Variants in CASR observed in about 807,000 individuals in gnomAD.
The protein encoded by CASR is calcium sensing receptor, also known as extracellular calcium-sensing receptor.
In CASR, 23 loss-of-function variants were observed where a neutral mutation model predicts 69.1. The observed-to-expected ratio is 0.33, with a 90% CI of 0.24 to 0.47. The LOEUF (loss-of-function observed/expected upper bound fraction) is 0.47, where lower values mean the gene tolerates loss of function less well. Ranked by LOEUF, CASR falls within the 20% of genes least tolerant of loss-of-function variation. CASR has a pLI of 1.00. For synonymous variants in CASR, 541 were observed against 544.7 expected, an observed-to-expected ratio of 0.99 and a Z score of 0.10; for missense variants, 924 against 1,356.1, an observed-to-expected ratio of 0.68 and a Z score of 5.00.
At position 122,262,525 on chromosome 3, in the gene CASR, C is replaced by T. The variant is rs34031874; in HGVS notation, c.1377+113C>T. On this transcript the variant is annotated intron_variant, in intron 4 of 6. Coordinates refer to ENST00000639785, the MANE Select transcript of CASR (RefSeq NM_000388.4). ...AAAGGGCAATATTTAAATGAAGCCA[C>T]TAAATGGAGCTTTGGATTCAAAGTA... is the stretch of plus-strand genomic sequence containing the variant. The T allele has an allele frequency of 1.1e-3, 999 of 894,156 alleles. 9 individuals are homozygous for T. In the African/African-American group the frequency reaches 0.014, roughly 13 times the overall value. The allele number at this position is 894,156 out of a possible 1,614,324, so 55.4% of individuals were successfully genotyped here. A position where few individuals can be genotyped will look rare whatever the true frequency, so the allele number is the denominator to read the frequency against.
chr3:122,213,773 A>G (rs1253139138), intron 1 of CASR, among the ~76,000 whole-genome samples: 3 of 152,220 alleles, frequency 2.0e-5, no homozygotes, highest in African/African-American at 7.2e-5. Flanking sequence ...AATTACTGAA[A>G]TCAACATCGT....
At chr3:122,254,732 C>T (rs940746113) in intron 2 of CASR, among the ~76,000 whole-genome samples, 1 of 152,080 alleles carries the variant, frequency 6.6e-6, no homozygotes, top group Admixed American at 6.5e-5. Flanking sequence ...TAGTAAAATC[C>T]CCCATTGACC....
intron 3 of CASR, 105 bp downstream of exon 3, chr3:122,257,492 G>T (rs2074568807): frequency 1.3e-6 from 1 of 790,590 alleles, no homozygotes; most frequent in East Asian, 2.5e-5. Flanking sequence ...CCCATCTCTG[G>T]CACAAAAGAC....
At chr3:122,245,414 A>G (rs2074417953) in intron 1 of CASR, 1 of 152,198 alleles carries the variant, frequency 6.6e-6, no homozygotes, top group Non-Finnish European at 1.5e-5. Flanking sequence ...CCAGAATTCC[A>G]TCAATGAGAT....
At chr3:122,186,743 C>T (rs138440013) in intron 1 of CASR, among the ~76,000 whole-genome samples, 4 of 152,254 alleles carry the variant, frequency 2.6e-5, no homozygotes, top group African/African-American at 9.6e-5. Context: ...AGGAGATCTC[C>T]CTTGAGCCAA....
intron 1 of CASR, among the ~76,000 whole-genome samples, chr3:122,206,519 T>C (rs2074008358): frequency 6.6e-6 from 1 of 152,044 alleles, no homozygotes; most frequent in Non-Finnish European, 1.5e-5. Flanking sequence ...CTATCAGGAA[T>C]AGTGGCCTGT....
chr3:122,233,350 C>T (rs1454049592), intron 1 of CASR, among the ~76,000 whole-genome samples: 2 of 152,224 alleles, frequency 1.3e-5, no homozygotes, highest in Non-Finnish European at 2.9e-5. Flanking sequence ...CTACACTTTG[C>T]TCTCCTGGTG....
At chr3:122,202,159 G>A (rs1396959545) in intron 1 of CASR, among the ~76,000 whole-genome samples, 2 of 152,256 alleles carry the variant, frequency 1.3e-5, no homozygotes, top group Non-Finnish European at 2.9e-5. Flanking sequence ...GACTCCGTCT[G>A]CAATCCCGGC....
Position 122,284,682 on chromosome 3 carries a change from CCCT to C in CASR, c.2737_2739del (p.Ser913del). ...CCTTGGAGGCTCCACGGGATCCACC[CCCT>C]CCTCCTCCATCAGCAGCAAGAGCAA... On this transcript the variant is annotated inframe_deletion, in exon 7 of 7. Transcript: ENST00000639785. The C allele has an allele frequency of 1.2e-6, 2 of 1,613,490 alleles. No homozygotes were observed. The highest frequency in any genetic ancestry group is 8.5e-7 in the Non-Finnish European group (1 of 1,179,466).
At chr3:122,202,966 A>G (rs564193944) in intron 1 of CASR, among the ~76,000 whole-genome samples, 3 of 152,314 alleles carry the variant, frequency 2.0e-5, no homozygotes, top group Non-Finnish European at 4.4e-5. Context: ...GGTCCCGGGT[A>G]TGCATGAGTC....
Position 122,283,826 on chromosome 3 carries a change from T to G in CASR, c.1872T>G (p.Ile624Met). The G allele has an allele frequency of 6.2e-7, 1 of 1,614,100 alleles. No individual in the cohort carries two copies. ...TCACCCTCTTTGCCGTGCTGGGCATTTTCCTGACAGCCTTTGTGCTGGGTG... is the reference window on the plus strand; with the variant it reads ...TCACCCTCTTTGCCGTGCTGGGCATGTTCCTGACAGCCTTTGTGCTGGGTG... ...IALTLFAVLG[I>M]FLTAFVLGVF... The change falls in exon 7 of 7, where the codon ATT becomes ATG. Residue 624 changes from isoleucine to methionine, a missense_variant. Ile to Met is a conservative substitution (Grantham distance 10). Transcript: ENST00000639785.
chr3:122,228,742 C>A (rs1241426193), intron 1 of CASR, among the ~76,000 whole-genome samples: 1 of 152,200 alleles, frequency 6.6e-6, no homozygotes, highest in Non-Finnish European at 1.5e-5. Flanking sequence ...GCTTATCCCC[C>A]ATTACATTTG....
intron 1 of CASR, among the ~76,000 whole-genome samples, chr3:122,204,487 G>A (rs956454604): frequency 2.6e-5 from 4 of 152,122 alleles, no homozygotes; most frequent in Non-Finnish European, 5.9e-5. Flanking sequence ...CCGTTGATGG[G>A]CACTTCAGGT....
Position 122,291,415 on chromosome 3 carries a change from C to T in CASR, c.*6224C>T, listed in dbSNP as rs1014217695. The T allele has an allele frequency of 8.6e-5, 13 of 151,678 alleles. No homozygotes were observed. The highest frequency in any genetic ancestry group is 2.0e-4 in the Admixed American group (3 of 15,210). The allele number at this position is 151,678 out of a possible 1,614,324, so 9.4% of individuals were successfully genotyped here. ...TGTTGTTTCCTGACTTTTTAATGAT[C>T]GCCATTCTAACTGGTGTGAGATGGT... On this transcript the variant is annotated 3_prime_UTR_variant, in exon 7 of 7. Transcript: ENST00000639785.
In CASR at chr3:122,254,235, C is replaced by G; in HGVS notation, c.46C>G (p.His16Asp). Residue 16 changes from histidine to aspartate, a missense_variant, in exon 2 of 7, where the codon CAC (histidine) becomes GAC (aspartate). By Grantham distance (81) the His-to-Asp change is moderately conservative (BLOSUM62 -1). Coordinates refer to ENST00000639785, the MANE Select transcript of CASR (RefSeq NM_000388.4). ...CCWVLLALTW[H>D]TSAYGPDQRA... ...CTGGGTCCTCTTGGCACTCACCTGG[C>G]ACACCTCTGCCTACGGGCCAGACCA... The G allele has an allele frequency of 6.2e-7, 1 of 1,613,798 alleles. No individual in the cohort carries two copies. The highest frequency in any genetic ancestry group is 1.3e-5 in the African/African-American group (1 of 75,020).
intron 6 of CASR, among the ~76,000 whole-genome samples, chr3:122,282,708 A>G (rs568435925): frequency 6.6e-6 from 1 of 152,380 alleles, no homozygotes; most frequent in Admixed American, 6.5e-5. Flanking sequence ...TAATATTGGT[A>G]ATGCACATGG....
intron 4 of CASR, among the ~76,000 whole-genome samples, chr3:122,265,181 C>A (rs2074677358): frequency 6.6e-6 from 1 of 152,222 alleles, no homozygotes; most frequent in Non-Finnish European, 1.5e-5. Flanking sequence ...CTCGCTTCCT[C>A]ATTTTTGATG....
intron 1 of CASR, among the ~76,000 whole-genome samples, chr3:122,204,044 A>C (rs1222720544): frequency 6.6e-6 from 1 of 152,178 alleles, no homozygotes; most frequent in Non-Finnish European, 1.5e-5. Context: ...TACAGATGAA[A>C]TCAGTGTACT....
intron 1 of CASR, among the ~76,000 whole-genome samples, chr3:122,215,584 T>G (rs2074110220): frequency 6.6e-6 from 1 of 152,240 alleles, no homozygotes; most frequent in Non-Finnish European, 1.5e-5. Context: ...AGTTCATCAT[T>G]AATATTTGGT....
Sources: gnomAD v4.1 joint callset for allele counts (sites outside exome capture counted in the v4.1 genomes callset) on GRCh38, gnomAD v4.1.1 for gene constraint, MANE v1.5 for transcripts, NCBI Gene and HGNC (gene_info 2026-07-23, HGNC 2026-07-21) for gene names.